Variants in EPHA10 observed in about 807,000 individuals in gnomAD.
EPHA10 encodes the protein ephrin type-A receptor 10.
A neutral mutation model predicts 109.7 loss-of-function variants in EPHA10; 120 were observed. The ratio of observed to expected loss-of-function variants is 1.09; its 90% CI spans 0.94 to 1.27. The LOEUF is 1.27. Ranked by LOEUF, EPHA10 falls within the 50% of genes most tolerant of loss-of-function variation. The pLI is 0.00. For missense variants in EPHA10, 1,396 were observed against 1,411.1 expected, an observed-to-expected ratio of 0.99 and a Z score of 0.17; for synonymous variants, 640 against 618.9, an observed-to-expected ratio of 1.03 and a Z score of -0.51.
Position 37,761,875 on chromosome 1 carries a change from T to C in EPHA10, c.380A>G (p.Asn127Ser). Residue 127 changes from asparagine to serine, a missense_variant, in exon 3 of 17, where the codon AAC becomes AGC. Transcript: ENST00000373048. ...GAAGTCKETFNVYYLETEADL... is the reference protein window; with the variant it reads ...GAAGTCKETFSVYYLETEADL... Reference sequence around the variant, plus strand: ...GGCCTCAGTTTCCAGGTAGTAGACGTTGAAGGTCTCCTTGCAGGTACCCGC... The same window carrying C: ...GGCCTCAGTTTCCAGGTAGTAGACGCTGAAGGTCTCCTTGCAGGTACCCGC... The C allele has an allele frequency of 6.2e-7, 1 of 1,612,104 alleles. No individual in the cohort carries two copies. The highest frequency in any genetic ancestry group is 8.5e-7 in the Non-Finnish European group (1 of 1,178,584).
intron 14 of EPHA10, 74 bp from the exon 15 acceptor site, chr1:37,719,681 C>A (rs1645755035): frequency 1.3e-6 from 2 of 1,527,240 alleles, no homozygotes; most frequent in Non-Finnish European, 1.8e-6. Flanking sequence ...CACACACATG[C>A]ACACACACAG....
At chr1:37,742,583 A>AG (rs1646171529) in intron 5 of EPHA10, among the ~76,000 whole-genome samples, 1 of 68,504 alleles carries the variant, frequency 1.5e-5, no homozygotes, top group African/African-American at 4.4e-5. Context: ...TGAGAATGGC[A>AG]GAGTGGACAG....
chr1:37,752,661 A>ATCC (rs1357488833), intron 5 of EPHA10, among the ~76,000 whole-genome samples: 1 of 151,966 alleles, frequency 6.6e-6, no homozygotes, highest in Non-Finnish European at 1.5e-5. Context: ...GGACGCCTGC[A>ATCC]TCCTCAGTCC....
Position 37,754,802 on chromosome 1 carries a change from A to AT in EPHA10, c.851-433dup, listed in dbSNP as rs1296651689. Among the ~76,000 whole-genome samples, 3 of 151,544 alleles carry AT rather than the reference A, an allele frequency of 2.0e-5. No individual in the cohort carries two copies. Among genetic ancestry groups the AT allele is most frequent in the Non-Finnish European group, 2.9e-5 (2 of 67,900 alleles). On this transcript the variant is annotated intron_variant, in intron 3 of 16. Coordinates refer to ENST00000373048, the MANE Select transcript of EPHA10 (RefSeq NM_001099439.2). The surrounding 1 kb of genome is among the most constrained non-coding windows in gnomAD (Gnocchi z 4.5). ...ACTTTATCCTCTTTTTATTTTATTT[A>AT]TTTTTTCTTTTTTCTTTTCGAGTCT...
intron 7 of EPHA10, among the ~76,000 whole-genome samples, chr1:37,729,994 C>A (rs1645955257): frequency 1.3e-5 from 2 of 152,114 alleles, no homozygotes; most frequent in South Asian, 4.1e-4. Flanking sequence ...TCTCTACTAT[C>A]TGAGAGGTAC....
intron 6 of EPHA10, among the ~76,000 whole-genome samples, chr1:37,733,317 G>T (rs758835334): frequency 6.6e-6 from 1 of 151,646 alleles, no homozygotes. Flanking sequence ...GACTTCCCGG[G>T]CTCAAGCGAT....
rs1645827659 is a variant in EPHA10 at position 37,723,112 on chromosome 1, A to G, written c.1889T>C (p.Leu630Pro). The G allele has an allele frequency of 3.1e-6, 5 of 1,614,082 alleles. No individual in the cohort carries two copies. Among genetic ancestry groups the G allele is most frequent in the African/African-American group, 2.7e-5 (2 of 74,930 alleles). The change falls in exon 10 of 17, where the codon CTG (leucine) becomes CCG (proline). Residue 630 changes from leucine to proline, a missense_variant. Leu to Pro is a moderately conservative substitution (Grantham distance 98). Transcript: ENST00000373048. The part of the protein sequence containing the change: ...FLDPQSCGDL[L>P]QAVHLFAKEL... ...CTTGGCGAACAGATGCACAGCCTGCAGCAGGTCCCCACAGCTCTGGGGGTC... is the reference window on the plus strand; with the variant it reads ...CTTGGCGAACAGATGCACAGCCTGCGGCAGGTCCCCACAGCTCTGGGGGTC...
At chr1:37,749,728 A>G (rs1428496757) in intron 5 of EPHA10, among the ~76,000 whole-genome samples, 1 of 152,226 alleles carries the variant, frequency 6.6e-6, no homozygotes, top group Non-Finnish European at 1.5e-5. Context: ...AGTATTACAT[A>G]TACCATCATG....
At chr1:37,746,696 C>T (rs1475357172) in intron 5 of EPHA10, among the ~76,000 whole-genome samples, 2 of 151,910 alleles carry the variant, frequency 1.3e-5, no homozygotes, top group African/African-American at 2.4e-5. Context: ...TCATAATAGC[C>T]AAAATGTGGA....
chr1:37,755,979 A>AG (rs1220183337), intron 3 of EPHA10, among the ~76,000 whole-genome samples: 6 of 152,108 alleles, frequency 3.9e-5, no homozygotes, highest in Non-Finnish European at 5.9e-5. Flanking sequence ...GTGGCAGAAG[A>AG]GGGGAGGGGA....
chr1:37,757,584 C>G (rs1646400177), intron 3 of EPHA10, among the ~76,000 whole-genome samples: 1 of 152,206 alleles, frequency 6.6e-6, no homozygotes, highest in Non-Finnish European at 1.5e-5. Flanking sequence ...TCCCCAGCTC[C>G]CCACTCCCCA....
rs774413421 is a variant in EPHA10 at position 37,720,368 on chromosome 1, C to A, written c.2395G>T (p.Ala799Ser). 1 of 1,609,796 alleles carries A rather than the reference C, an allele frequency of 6.2e-7. No individual in the cohort carries two copies. The highest frequency in any genetic ancestry group is 8.5e-7 in the Non-Finnish European group (1 of 1,178,778). The part of the protein sequence containing the change: ...FGRGPRDRSE[A>S]VYTTMSGRSP... Reference sequence around the variant, plus strand: ...GCCCTCACCATAGTGGTGTAGACAGCCTCTGATCGGTCCCGGGGGCCCCGC... The same window carrying A: ...GCCCTCACCATAGTGGTGTAGACAGACTCTGATCGGTCCCGGGGGCCCCGC... The change falls in exon 13 of 17, where the codon GCT (alanine) becomes TCT (serine). Residue 799 changes from alanine to serine, a missense_variant. Coordinates refer to ENST00000373048, the MANE Select transcript of EPHA10 (RefSeq NM_001099439.2).
Position 37,754,821 on chromosome 1 carries a change from C to T in EPHA10, c.851-451G>A, listed in dbSNP as rs181100002. ...TTATTTATTTTTTCTTTTTTCTTTT[C>T]GAGTCTCCTTCTATCACCCAGGCTG... On this transcript the variant is annotated intron_variant, in intron 3 of 16. Transcript: ENST00000373048. This position sits in a 1 kb window ranked among gnomAD's most constrained non-coding sequence, Gnocchi z 4.5. Among the ~76,000 whole-genome samples, 3 of 151,542 alleles carry T rather than the reference C, an allele frequency of 2.0e-5. No homozygotes were observed. The East Asian group carries it at 5.8e-4, about 29-fold the overall frequency.
intron 3 of EPHA10, among the ~76,000 whole-genome samples, chr1:37,757,705 A>C: frequency 1.3e-5 from 2 of 149,442 alleles, no homozygotes; most frequent in East Asian, 2.0e-4. Context: ...TCCCAGAGAA[A>C]CCTCCTCCTC....
chr1:37,729,333 T>C (rs957346743), intron 7 of EPHA10, among the ~76,000 whole-genome samples: 1 of 152,234 alleles, frequency 6.6e-6, no homozygotes. Flanking sequence ...CATAAGATTA[T>C]AAATATTTGT....
chr1:37,749,684 AAAG>A, intron 5 of EPHA10, among the ~76,000 whole-genome samples: 1 of 152,320 alleles, frequency 6.6e-6, no homozygotes, highest in African/African-American at 2.4e-5. Flanking sequence ...AAAAAAAAAA[AAAG>A]ATTGTTAATG....
Position 37,716,118 on chromosome 1 carries a change from A to C in EPHA10, c.*2254T>G, listed in dbSNP as rs1557524225. 3 of 443,522 alleles carry C rather than the reference A, an allele frequency of 6.8e-6. No homozygotes were observed. In the East Asian group the frequency reaches 1.2e-4, roughly 18 times the overall value. The allele number at this position is 443,522 out of a possible 1,614,324, so 27.5% of individuals were successfully genotyped here. Reference sequence around the variant, plus strand: ...GGGGGCTTGCAGGCCACCTCTGTCCAGTGAACAAGTTCCATATAAAAATAG... The same window carrying C: ...GGGGGCTTGCAGGCCACCTCTGTCCCGTGAACAAGTTCCATATAAAAATAG... On this transcript the variant is annotated 3_prime_UTR_variant, in exon 17 of 17. Transcript: ENST00000373048.
chr1:37,754,893 G>A lies in EPHA10; in HGVS notation c.851-523C>T, dbSNP rs112969036. On this transcript the variant is annotated intron_variant, in intron 3 of 16. Coordinates refer to ENST00000373048, the MANE Select transcript of EPHA10 (RefSeq NM_001099439.2). The surrounding 1 kb of genome is among the most constrained non-coding windows in gnomAD (Gnocchi z 4.5). ...ACTCACTGCAACCCCCACCTCCCAG[G>A]TTTAAGCGATTCTCCTGCCTCAGCC... Among the ~76,000 whole-genome samples, 25,534 of 151,992 alleles carry A rather than the reference G, an allele frequency of 0.17. 2,422 individuals are homozygous for A. Among genetic ancestry groups the A allele is most frequent in the South Asian group, 0.23 (1,115 of 4,812 alleles).
At chr1:37,726,973 T>A in intron 8 of EPHA10, 129 bp downstream of exon 8, 1 of 611,908 alleles carries the variant, frequency 1.6e-6, no homozygotes, top group East Asian at 3.3e-5. Context: ...TGCCTACATT[T>A]GTACAGCAGT....
Sources: gnomAD v4.1 joint callset for allele counts (sites outside exome capture counted in the v4.1 genomes callset) on GRCh38, gnomAD v4.1.1 for gene constraint, Gnocchi (gnomAD v3.1) non-coding constraint, MANE v1.5 for transcripts, NCBI Gene and HGNC (gene_info 2026-07-23, HGNC 2026-07-21) for gene names.